Variants in NFIB observed in about 807,000 individuals in gnomAD.
The protein encoded by NFIB is nuclear factor 1 B-type.
A neutral mutation model predicts 61.5 loss-of-function variants in NFIB; 11 were observed. That is an observed-to-expected ratio of 0.18 (90% CI 0.11 to 0.30). NFIB has a LOEUF of 0.30. Among genes scored for constraint, NFIB ranks in the 10% least tolerant of loss-of-function variants. NFIB has a pLI of 1.00. For synonymous variants in NFIB, 260 were observed against 216.5 expected (o/e 1.20, Z -1.76); for missense variants, 471 against 608.9 (o/e 0.77, Z 2.38).
chr9:14,313,632 C>G lies in NFIB; in HGVS notation c.-121G>C. 1.3e-6 allele frequency: 2 copies of G among 1,574,134 alleles called. No homozygotes were observed. On this transcript the variant is annotated 5_prime_UTR_variant, in exon 1 of 11. Coordinates refer to ENST00000380953, the MANE Select transcript of NFIB (RefSeq NM_001190737.2). This position sits in a 1 kb window ranked among gnomAD's most constrained non-coding sequence, Gnocchi z 4.5. ...CGATGCGATCAATCAGGACGGGGCT[C>G]TGCGCTGGATCACCGCAACTTCACA...
At chr9:14,417,968 G>A in the NFIB span, among the ~76,000 whole-genome samples, 19 of 151,836 alleles carry the variant, frequency 1.3e-4, no homozygotes, top group Non-Finnish European at 1.9e-4. Context: ...TAGTAGAGAT[G>A]GGGTTTCACC....
the NFIB span, among the ~76,000 whole-genome samples, chr9:14,434,525 G>A: frequency 1.1e-4 from 17 of 152,266 alleles, no homozygotes; most frequent in African/African-American, 4.1e-4. Context: ...TCCTACTAGG[G>A]GAAGCCAAAG....
chr9:14,329,976 A>T (rs1187629042), intron 1 of NFIB, among the ~76,000 whole-genome samples: 2 of 151,960 alleles, frequency 1.3e-5, no homozygotes, highest in African/African-American at 4.8e-5. Context: ...ACAAAAAATT[A>T]GCTGGGCGTG....
At chr9:14,222,806 A>AAAAAAAG (rs1253170447) in intron 2 of NFIB, among the ~76,000 whole-genome samples, 52 of 150,612 alleles carry the variant, frequency 3.5e-4, no homozygotes, top group Middle Eastern at 3.4e-3. Flanking sequence ...AAAAAAAAAA[A>AAAAAAAG]AAAGAAAGAA....
At chr9:14,384,522 C>G (rs983764556) in intron 1 of NFIB, among the ~76,000 whole-genome samples, 1 of 152,152 alleles carries the variant, frequency 6.6e-6, no homozygotes, top group Non-Finnish European at 1.5e-5. Context: ...CTGATCCTTG[C>G]TACTTCCTCC....
intron 1 of NFIB, among the ~76,000 whole-genome samples, chr9:14,395,299 G>T (rs190944300): frequency 6.7e-6 from 1 of 148,742 alleles, no homozygotes; most frequent in Non-Finnish European, 1.5e-5. Flanking sequence ...TTAATATTTC[G>T]GGACAGCCAA....
chr9:14,353,985 G>A (rs1302186186), intron 1 of NFIB, among the ~76,000 whole-genome samples: 2 of 151,942 alleles, frequency 1.3e-5, no homozygotes, highest in Admixed American at 6.6e-5. Context: ...CTGATCTGGG[G>A]CAAATCACTT....
In NFIB at chr9:14,231,119, G is replaced by GAAAAAAA. The variant is rs1563926086; in HGVS notation, c.563-51340_563-51339insTTTTTTT. Among the ~76,000 whole-genome samples, 16 of 35,414 alleles carry GAAAAAAA rather than the reference G, an allele frequency of 4.5e-4. 1 individual carries two copies. Among genetic ancestry groups the GAAAAAAA allele is most frequent in the Non-Finnish European group, 9.4e-4 (15 of 15,914 alleles). The allele number at this position is 35,414 out of a possible 152,430, so 23.2% of individuals were successfully genotyped here. A position where few individuals can be genotyped will look rare whatever the true frequency, so the allele number is the denominator to read the frequency against. On this transcript the variant is annotated intron_variant, in intron 2 of 10. Coordinates refer to ENST00000380953, the MANE Select transcript of NFIB (RefSeq NM_001190737.2). ...TCCTTGGCCTACAGTTTTTCCATGGGGAAAAAAAAAAAAAAAATATATATA... is the reference window on the plus strand; with the variant it reads ...TCCTTGGCCTACAGTTTTTCCATGGGAAAAAAAGAAAAAAAAAAAAAAAATATATATA...
chr9:14,387,172 A>G (rs1373287626), intron 1 of NFIB, among the ~76,000 whole-genome samples: 2 of 152,218 alleles, frequency 1.3e-5, no homozygotes, highest in Non-Finnish European at 2.9e-5. Context: ...TAAGTAACCA[A>G]CATCAACAAA....
chr9:14,289,214 G>T, intron 2 of NFIB, among the ~76,000 whole-genome samples: 1 of 104,118 alleles, frequency 9.6e-6, no homozygotes, highest in African/African-American at 3.4e-5. Context: ...TATATAATTT[G>T]GTATACCAAA....
chr9:14,226,261 A>G (rs1019548661), intron 2 of NFIB, among the ~76,000 whole-genome samples: 4 of 152,162 alleles, frequency 2.6e-5, no homozygotes, highest in Non-Finnish European at 5.9e-5. Flanking sequence ...CAACAAAAAC[A>G]ATGAGGCTAG....
At chr9:14,321,784 C>A (rs2060667090) in intron 1 of NFIB, among the ~76,000 whole-genome samples, 2 of 152,078 alleles carry the variant, frequency 1.3e-5, no homozygotes, top group Admixed American at 1.3e-4. Context: ...AGCACTATAG[C>A]CCACAACCTG....
At chr9:14,133,157 T>C (rs1159106910) in intron 6 of NFIB, among the ~76,000 whole-genome samples, 1 of 152,208 alleles carries the variant, frequency 6.6e-6, no homozygotes, top group Non-Finnish European at 1.5e-5. Flanking sequence ...TTTTGGACTT[T>C]TGAAAGTATT....
chr9:14,187,742 T>TG (rs762310590), intron 2 of NFIB, among the ~76,000 whole-genome samples: 2 of 152,030 alleles, frequency 1.3e-5, no homozygotes, highest in Non-Finnish European at 2.9e-5. Context: ...GGGAATTAAC[T>TG]GAAAAAATAG....
At chr9:14,161,172 G>C (rs1191401280) in intron 3 of NFIB, among the ~76,000 whole-genome samples, 7 of 152,138 alleles carry the variant, frequency 4.6e-5, no homozygotes. Context: ...ACAGGACATA[G>C]TTCTATCTTC....
chr9:14,325,819 T>C (rs1002148159), intron 1 of NFIB, among the ~76,000 whole-genome samples: 15 of 152,098 alleles, frequency 9.9e-5, no homozygotes, highest in African/African-American at 3.4e-4. Context: ...CAATTGGATA[T>C]TGAAAAATAA....
chr9:14,369,033 A>C (rs761034306), intron 1 of NFIB, among the ~76,000 whole-genome samples: 6 of 152,346 alleles, frequency 3.9e-5, no homozygotes, highest in Middle Eastern at 3.4e-3. Context: ...TGCCTGATAC[A>C]TAATATCTCA....
At chr9:14,267,408 A>G (rs1588031434) in intron 2 of NFIB, among the ~76,000 whole-genome samples, 2 of 152,222 alleles carry the variant, frequency 1.3e-5, no homozygotes, top group African/African-American at 4.8e-5. Flanking sequence ...TTATCTCAAT[A>G]AATGCAAATG....
intron 1 of NFIB, among the ~76,000 whole-genome samples, chr9:14,360,129 G>T (rs557197095): frequency 6.6e-6 from 1 of 152,204 alleles, no homozygotes; most frequent in East Asian, 1.9e-4. Flanking sequence ...AAGACAATCA[G>T]GAAAATATAT....
Sources: gnomAD v4.1 joint callset for allele counts (sites outside exome capture counted in the v4.1 genomes callset) on GRCh38, gnomAD v4.1.1 for gene constraint, Gnocchi (gnomAD v3.1) non-coding constraint, MANE v1.5 for transcripts, NCBI Gene and HGNC (gene_info 2026-07-23, HGNC 2026-07-21) for gene names.